Variants in BTD observed in about 807,000 individuals in gnomAD.
BTD encodes the protein biocytinase.
In BTD, 13 loss-of-function variants were observed where a neutral mutation model predicts 17.7. The ratio of observed to expected loss-of-function variants is 0.74; its 90% CI spans 0.48 to 1.17. BTD has a LOEUF of 1.17. Ranked by LOEUF, BTD falls within the 50% of genes most tolerant of loss-of-function variation. The probability of loss-of-function intolerance (pLI) is 0.00; values close to 1 mark genes in which losing one functional copy is unlikely to be tolerated. For synonymous variants in BTD, 240 were observed against 245.2 expected (o/e 0.98, Z 0.20); for missense variants, 674 against 650.4 (o/e 1.04, Z -0.39).
chr3:15,689,785 T>A, intron 3 of BTD: 1 of 452,436 alleles, frequency 2.2e-6, no homozygotes, highest in South Asian at 3.9e-5. Flanking sequence ...TATAATACAC[T>A]GTATTTAAGT....
chr3:15,644,716 CT>C lies in BTD; in HGVS notation c.804del (p.Phe268LeufsTer21). The part of the protein sequence containing the change: ...PLLAAIEIQK[A>X]FAVAFGINVL... ...TTGGCAGCAATTGAGATTCAGAAAG[CT>C]TTTGCTGTTGCCTTTGGCATCAACG... On this transcript the variant is annotated frameshift_variant, in exon 4 of 4. Coordinates refer to ENST00000643237, the MANE Select transcript of BTD (RefSeq NM_001370658.1). LOFTEE classifies it low-confidence loss of function (END_TRUNC). 6.2e-7 allele frequency: 1 copy of C among 1,614,210 alleles called. No individual in the cohort carries two copies. Among genetic ancestry groups the C allele is most frequent in the Non-Finnish European group, 8.5e-7 (1 of 1,180,048 alleles).
downstream of BTD, among the ~76,000 whole-genome samples, chr3:15,716,359 A>T (rs1461404680): frequency 1.3e-5 from 2 of 149,616 alleles, no homozygotes; most frequent in African/African-American, 5.0e-5. Context: ...TGGTGTAATC[A>T]TAGTTCACTG....
chr3:15,722,467 A>G (rs933424904), downstream of BTD, among the ~76,000 whole-genome samples: 1 of 152,186 alleles, frequency 6.6e-6, no homozygotes. Context: ...CCTTTGGCTG[A>G]TCTCAGTTTG....
chr3:15,618,760 C>T (rs904545518), intron 1 of BTD, among the ~76,000 whole-genome samples: 19 of 152,076 alleles, frequency 1.2e-4, no homozygotes, highest in African/African-American at 3.4e-4. Flanking sequence ...CTCCTGACCT[C>T]GTGATCCACC....
intron 1 of BTD, among the ~76,000 whole-genome samples, chr3:15,630,777 T>A (rs1418555026): frequency 1.3e-5 from 2 of 152,204 alleles, no homozygotes; most frequent in African/African-American, 4.8e-5. Context: ...GAGTTCAGGC[T>A]TAAATCATCA....
In BTD at chr3:15,641,892, AT is replaced by A. The variant is rs587783008; in HGVS notation, c.250-15del. ...CCATCTGATAACAGACTATTCTTTG[AT>A]GTTTTCATTTTCAGGATGTACAGAT... On this transcript the variant is annotated splice_polypyrimidine_tract_variant and intron_variant, in intron 2 of 3. Transcript: ENST00000643237. 3.8e-6 allele frequency: 6 copies of A among 1,563,456 alleles called. No individual in the cohort carries two copies. In the African/African-American group the frequency reaches 8.1e-5, roughly 21 times the overall value.
chr3:15,665,618 T>C (rs1455137116), intron 3 of BTD, among the ~76,000 whole-genome samples: 1 of 151,766 alleles, frequency 6.6e-6, no homozygotes, highest in Non-Finnish European at 1.5e-5. Context: ...TCGGTTGGCA[T>C]CACTTTGGCC....
At chr3:15,606,830 C>T (rs2064469878) in intron 1 of BTD, 1 of 152,218 alleles carries the variant, frequency 6.6e-6, no homozygotes, top group Admixed American at 6.5e-5. Context: ...ATTGTAATTA[C>T]AGCCAGCTTG....
At chr3:15,661,495 A>T (rs1311551447) in intron 3 of BTD, among the ~76,000 whole-genome samples, 1 of 152,054 alleles carries the variant, frequency 6.6e-6, no homozygotes, top group African/African-American at 2.4e-5. Flanking sequence ...CAATTTTAAA[A>T]GTTGCTTGTG....
At position 15,650,872 on chromosome 3, in the gene BTD, C is replaced by T. The variant is rs1209188025; in HGVS notation, c.*5384C>T. Among the ~76,000 whole-genome samples the T allele has an allele frequency of 3.3e-5, 5 of 152,138 alleles. No homozygotes were observed. The highest frequency in any genetic ancestry group is 7.2e-5 in the African/African-American group (3 of 41,428). The stretch of plus-strand genomic sequence containing the variant: ...GCAAGCTCTGCCTCCCGAGTTCAAG[C>T]GATTCTCCTGCCTCAGCCTTCCGAG... On this transcript the variant is annotated 3_prime_UTR_variant, in exon 4 of 4. Transcript: ENST00000643237.
intron 3 of BTD, chr3:15,677,142 A>G: frequency 9.2e-7 from 1 of 1,082,824 alleles, no homozygotes; most frequent in Non-Finnish European, 1.4e-6. Flanking sequence ...CCTAGTCCAT[A>G]TATTATGTAC....
chr3:15,706,002 A>T (rs2126004626), intron 3 of BTD, among the ~76,000 whole-genome samples: 1 of 151,520 alleles, frequency 6.6e-6, no homozygotes, highest in African/African-American at 2.4e-5. Flanking sequence ...TTCCATCTCA[A>T]AACGAAACAA....
chr3:15,654,738 AT>A (rs60086899), downstream of BTD, among the ~76,000 whole-genome samples: 516 of 140,414 alleles, frequency 3.7e-3, 1 homozygote, highest in Middle Eastern at 7.3e-3. Flanking sequence ...CACTTGGCTA[AT>A]TTTTTTTTTT....
chr3:15,620,443 T>C (rs994975458), intron 1 of BTD, among the ~76,000 whole-genome samples: 6 of 152,158 alleles, frequency 3.9e-5, no homozygotes, highest in African/African-American at 1.4e-4. Flanking sequence ...AGAAGAAAAA[T>C]GTGGCTCTTT....
At chr3:15,704,870 T>C (rs954631052) in intron 3 of BTD, among the ~76,000 whole-genome samples, 5 of 152,180 alleles carry the variant, frequency 3.3e-5, no homozygotes, top group Admixed American at 6.5e-5. Context: ...ATGATGGCAC[T>C]CGACAGGCTC....
chr3:15,619,318 T>G (rs115346721), intron 1 of BTD, among the ~76,000 whole-genome samples: 2,335 of 152,316 alleles, frequency 0.015, 37 homozygotes, highest in Non-Finnish European at 0.027. Context: ...TATAATCATG[T>G]GATTTTTCTT....
chr3:15,695,288 G>T (rs571839672), intron 3 of BTD: 2 of 1,143,508 alleles, frequency 1.7e-6, no homozygotes, highest in South Asian at 1.4e-5. Context: ...CTTATATAGA[G>T]CTTTGCTAAC....
At chr3:15,690,905 A>G (rs1254022010) in intron 3 of BTD, among the ~76,000 whole-genome samples, 1 of 152,146 alleles carries the variant, frequency 6.6e-6, no homozygotes, top group Non-Finnish European at 1.5e-5. Flanking sequence ...AGTGCTCCAC[A>G]TCAACTGCAA....
intron 1 of BTD, among the ~76,000 whole-genome samples, chr3:15,613,411 G>A (rs2064692924): frequency 6.6e-6 from 1 of 152,016 alleles, no homozygotes; most frequent in Non-Finnish European, 1.5e-5. Context: ...ATTTCTTGAT[G>A]TTTTAATTTT....
Sources: gnomAD v4.1 joint callset for allele counts (sites outside exome capture counted in the v4.1 genomes callset) on GRCh38, gnomAD v4.1.1 for gene constraint, MANE v1.5 for transcripts, NCBI Gene and HGNC (gene_info 2026-07-23, HGNC 2026-07-21) for gene names.